The following SPMIP2 variants were observed in gnomAD, a reference collection of about 807,000 sequenced individuals.
SPMIP2 encodes protein SPMIP2.
At chr4:159,052,610 C>CTAT in the SPMIP2 span, among the ~76,000 whole-genome samples, 42,997 of 149,138 alleles carry the variant, frequency 0.29, 6,951 homozygotes, top group East Asian at 0.64. Flanking sequence ...TATCTCAAGA[C>CTAT]TATTATTATT....
chr4:159,042,640 G>A, the SPMIP2 span, among the ~76,000 whole-genome samples: 748 of 152,142 alleles, frequency 4.9e-3, 5 homozygotes, highest in South Asian at 0.021. Flanking sequence ...GACTGGCTAG[G>A]GACTCACTAG....
At chr4:159,070,156 C>T in the SPMIP2 span, among the ~76,000 whole-genome samples, 1 of 151,948 alleles carries the variant, frequency 6.6e-6, no homozygotes, top group African/African-American at 2.4e-5. Flanking sequence ...CATTCCCTAC[C>T]ATAAACAGAA....
chr4:159,036,732 G>A, the SPMIP2 span, among the ~76,000 whole-genome samples: 21 of 152,306 alleles, frequency 1.4e-4, no homozygotes, highest in African/African-American at 5.1e-4. Flanking sequence ...AGAGTCAGTC[G>A]CTGTTGTGTT....
chr4:159,002,070 A>G, the SPMIP2 span, among the ~76,000 whole-genome samples: 2 of 152,030 alleles, frequency 1.3e-5, no homozygotes, highest in Non-Finnish European at 2.9e-5. Flanking sequence ...TTCTCTAATG[A>G]TCAGTGATAT....
At chr4:159,014,499 C>T in the SPMIP2 span, among the ~76,000 whole-genome samples, 1 of 142,264 alleles carries the variant, frequency 7.0e-6, no homozygotes, top group Non-Finnish European at 1.6e-5. Flanking sequence ...GTGGATGTAT[C>T]CCTTCTGAAA....
chr4:159,019,296 C>CA, the SPMIP2 span, among the ~76,000 whole-genome samples: 1,563 of 100,238 alleles, frequency 0.016, 96 homozygotes, highest in African/African-American at 0.052. Context: ...GACTCCGTCT[C>CA]AAAAAAAAAA....
At chr4:159,036,180 T>C in the SPMIP2 span, among the ~76,000 whole-genome samples, 27 of 152,250 alleles carry the variant, frequency 1.8e-4, no homozygotes, top group Non-Finnish European at 4.0e-4. Context: ...AAATGTAATA[T>C]CTTTTATATT....
At chr4:159,012,840 A>G in the SPMIP2 span, among the ~76,000 whole-genome samples, 1 of 151,386 alleles carries the variant, frequency 6.6e-6, no homozygotes, top group South Asian at 2.1e-4. Flanking sequence ...CCCAAATTGC[A>G]GGGATTATAG....
chr4:158,974,133 G>C, the SPMIP2 span, among the ~76,000 whole-genome samples: 56 of 151,708 alleles, frequency 3.7e-4, 1 homozygote, highest in East Asian at 4.1e-3. Context: ...AAATGTATTA[G>C]CAAAAATTGA....
At chr4:159,002,704 TA>T in the SPMIP2 span, among the ~76,000 whole-genome samples, 1 of 152,156 alleles carries the variant, frequency 6.6e-6, no homozygotes. Context: ...GCACCATTTG[TA>T]AAAGACTATC....
chr4:158,893,705 A>T, the SPMIP2 span: 2 of 1,588,816 alleles, frequency 1.3e-6, no homozygotes, highest in Admixed American at 1.8e-5. Flanking sequence ...TTTAGAGGTT[A>T]ATGTTTCCTT....
At chr4:158,921,516 C>T in the SPMIP2 span, among the ~76,000 whole-genome samples, 13 of 152,184 alleles carry the variant, frequency 8.5e-5, no homozygotes, top group African/African-American at 2.9e-4. Context: ...CTCTTTCTCC[C>T]TCCTATTGGC....
At chr4:159,053,522 T>C in the SPMIP2 span, among the ~76,000 whole-genome samples, 6 of 152,176 alleles carry the variant, frequency 3.9e-5, no homozygotes, top group Admixed American at 3.9e-4. Context: ...AGCCCGTGCC[T>C]TCCTATTTTA....
At chr4:158,950,278 A>G in the SPMIP2 span, among the ~76,000 whole-genome samples, 1 of 152,228 alleles carries the variant, frequency 6.6e-6, no homozygotes, top group African/African-American at 2.4e-5. Context: ...TCATTTGCAC[A>G]TATTGAAAAA....
At chr4:159,075,250 G>A in the SPMIP2 span, among the ~76,000 whole-genome samples, 1 of 152,104 alleles carries the variant, frequency 6.6e-6, no homozygotes, top group Non-Finnish European at 1.5e-5. Context: ...AGATACACAT[G>A]CATATACATG....
chr4:158,908,183 G>A, the SPMIP2 span: 1 of 152,108 alleles, frequency 6.6e-6, no homozygotes. Context: ...GAAATGCAGG[G>A]ACATTTTTGG....
chr4:158,923,350 A>G, the SPMIP2 span, among the ~76,000 whole-genome samples: 1 of 152,204 alleles, frequency 6.6e-6, no homozygotes, highest in African/African-American at 2.4e-5. Flanking sequence ...AGGGAAGACT[A>G]TATTAAGTCT....
chr4:158,996,397 G>T, the SPMIP2 span, among the ~76,000 whole-genome samples: 1 of 152,080 alleles, frequency 6.6e-6, no homozygotes, highest in African/African-American at 2.4e-5. Context: ...GCATAAATGT[G>T]CATGGTATAG....
At chr4:158,938,949 CG>C in the SPMIP2 span, among the ~76,000 whole-genome samples, 5 of 152,150 alleles carry the variant, frequency 3.3e-5, no homozygotes, top group South Asian at 6.2e-4. Context: ...ATATAATTCC[CG>C]GTGTTCCCAG....
Sources: gnomAD v4.1 joint callset for allele counts (sites outside exome capture counted in the v4.1 genomes callset) on GRCh38, gnomAD v4.1.1 for gene constraint, MANE v1.5 for transcripts, NCBI Gene and HGNC (gene_info 2026-07-23, HGNC 2026-07-21) for gene names.